The following TMEM163 variants were observed in gnomAD, a reference collection of about 807,000 sequenced individuals.
TMEM163 encodes transmembrane protein 163.
Under a neutral mutation model 29.3 loss-of-function variants are expected in TMEM163, and 17 were observed. That is an observed-to-expected ratio of 0.58 (90% CI 0.40 to 0.87). The LOEUF (loss-of-function observed/expected upper bound fraction) is 0.87, where lower values mean the gene tolerates loss of function less well. TMEM163 is among the 40% of genes least tolerant of loss of function. The probability of loss-of-function intolerance (pLI) is 0.00; values close to 1 mark genes in which losing one functional copy is unlikely to be tolerated. For synonymous variants in TMEM163, 157 were observed against 160.6 expected, an observed-to-expected ratio of 0.98 and a Z score of 0.17; for missense variants, 303 against 381.5, an observed-to-expected ratio of 0.79 and a Z score of 1.71.
At chr2:134,532,615 T>C (rs1337237070) in intron 4 of TMEM163, among the ~76,000 whole-genome samples, 1 of 152,246 alleles carries the variant, frequency 6.6e-6, no homozygotes, top group Non-Finnish European at 1.5e-5. Flanking sequence ...AGGTTAATTA[T>C]GCAAAGGGCA....
chr2:134,568,494 C>G (rs945792312), intron 2 of TMEM163, among the ~76,000 whole-genome samples: 1 of 149,294 alleles, frequency 6.7e-6, no homozygotes, highest in African/African-American at 2.5e-5. Flanking sequence ...ACACTGCACT[C>G]CAGCCTGGGT....
intron 2 of TMEM163, among the ~76,000 whole-genome samples, chr2:134,553,056 A>G (rs891635042): frequency 2.0e-5 from 3 of 152,152 alleles, no homozygotes; most frequent in Non-Finnish European, 4.4e-5. Flanking sequence ...AGACTTCTCA[A>G]TTTGACATAA....
At position 134,460,489 on chromosome 2, in the gene TMEM163, AT is replaced by A. The variant is rs1309481614; in HGVS notation, c.668-2317del. Among the ~76,000 whole-genome samples, 1 of 152,130 alleles carries A rather than the reference AT, an allele frequency of 6.6e-6. No individual in the cohort carries two copies. The highest frequency in any genetic ancestry group is 1.5e-5 in the Non-Finnish European group (1 of 68,020). Reference sequence around the variant, plus strand: ...CAGGAACTTTGTCTCTCCTTGCAGTATTCGAAGTCCCAGGACAGGGCCTGGC... The same window carrying A: ...CAGGAACTTTGTCTCTCCTTGCAGTATCGAAGTCCCAGGACAGGGCCTGGC... On this transcript the variant is annotated intron_variant, in intron 6 of 7. Transcript: ENST00000281924. This position sits in a 1 kb window ranked among gnomAD's most constrained non-coding sequence, Gnocchi z 4.3.
chr2:134,717,058 T>C lies in TMEM163; in HGVS notation c.202+1676A>G, dbSNP rs370908325. Among the ~76,000 whole-genome samples the C allele has an allele frequency of 4.6e-5, 7 of 152,304 alleles. 1 individual carries two copies. The South Asian group carries it at 1.4e-3, about 32-fold the overall frequency. On this transcript the variant is annotated intron_variant, in intron 1 of 7. Transcript: ENST00000281924. ...GACCAGAGAAAAATAACCTTAAGAA[T>C]GAATTCAGAAGGGCTTTTTACACTT...
At chr2:134,658,398 C>A (rs1390500426) in intron 2 of TMEM163, among the ~76,000 whole-genome samples, 1 of 152,100 alleles carries the variant, frequency 6.6e-6, no homozygotes, top group East Asian at 1.9e-4. Context: ...ACCAGCACTA[C>A]GTAGAAAGGC....
Position 134,554,656 on chromosome 2 carries a change from C to A in TMEM163, c.323-2565G>T, listed in dbSNP as rs376751729. 2.0e-3 allele frequency among the ~76,000 whole-genome samples: 306 copies of A among 152,208 alleles called. 1 individual carries two copies. Among genetic ancestry groups the A allele is most frequent in the African/African-American group, 6.8e-3 (282 of 41,522 alleles). ...TGATTATATTGAGAAAGACAAGGAA[C>A]CTTGTCTCAGGAATCTGGACTCAAA... is the stretch of plus-strand genomic sequence containing the variant. On this transcript the variant is annotated intron_variant, in intron 2 of 7. Transcript: ENST00000281924.
chr2:134,644,091 A>T (rs748192311), intron 2 of TMEM163, among the ~76,000 whole-genome samples: 2 of 152,132 alleles, frequency 1.3e-5, no homozygotes, highest in African/African-American at 2.4e-5. Context: ...AAACTTCAAA[A>T]CACTGATGAA....
At chr2:134,689,999 C>T (rs998714411) in intron 2 of TMEM163, among the ~76,000 whole-genome samples, 1 of 151,618 alleles carries the variant, frequency 6.6e-6, no homozygotes, top group African/African-American at 2.4e-5. Flanking sequence ...GGTGTGATCT[C>T]GGCTCACTGC....
chr2:134,467,947 C>T (rs1315109841), intron 5 of TMEM163: 1 of 152,086 alleles, frequency 6.6e-6, no homozygotes, highest in African/African-American at 2.4e-5. Flanking sequence ...CCTCAAATGA[C>T]CAGTAAGGAC....
chr2:134,494,047 C>T (rs1274953725), intron 5 of TMEM163, among the ~76,000 whole-genome samples: 2 of 152,154 alleles, frequency 1.3e-5, no homozygotes, highest in African/African-American at 4.8e-5. Flanking sequence ...GAACTAGGCA[C>T]TGATGAAAAA....
chr2:134,562,317 ATT>A (rs2104778439), intron 2 of TMEM163, among the ~76,000 whole-genome samples: 1 of 152,374 alleles, frequency 6.6e-6, no homozygotes, highest in South Asian at 2.1e-4. Flanking sequence ...GCACAAGTGC[ATT>A]GTCAGTGCTC....
At chr2:134,643,922 TCAAG>T in intron 2 of TMEM163, among the ~76,000 whole-genome samples, 1 of 152,008 alleles carries the variant, frequency 6.6e-6, no homozygotes, top group East Asian at 1.9e-4. Flanking sequence ...AGTAAAACTA[TCAAG>T]TATGCAGGGT....
intron 2 of TMEM163, among the ~76,000 whole-genome samples, chr2:134,596,404 T>A (rs1193348758): frequency 2.6e-5 from 4 of 152,356 alleles, no homozygotes; most frequent in South Asian, 4.1e-4. Context: ...GTCAGGTTTG[T>A]CAAAGATCAG....
intron 2 of TMEM163, among the ~76,000 whole-genome samples, chr2:134,691,675 T>C (rs186237602): frequency 1.3e-5 from 2 of 152,180 alleles, no homozygotes; most frequent in Admixed American, 6.5e-5. Context: ...CCAATGCTCA[T>C]GCCCATCTCT....
intron 4 of TMEM163, among the ~76,000 whole-genome samples, chr2:134,518,853 C>T (rs746595384): frequency 6.6e-6 from 1 of 152,128 alleles, no homozygotes; most frequent in Non-Finnish European, 1.5e-5. Flanking sequence ...GGCCCCAGTC[C>T]CAGGCAGGGG....
chr2:134,663,286 C>T (rs887677834), intron 2 of TMEM163, among the ~76,000 whole-genome samples: 2 of 152,190 alleles, frequency 1.3e-5, no homozygotes, highest in African/African-American at 4.8e-5. Flanking sequence ...CTTACATCTT[C>T]TGTTTGTCCT....
intron 2 of TMEM163, among the ~76,000 whole-genome samples, chr2:134,643,427 A>G (rs1158664896): frequency 6.6e-6 from 1 of 152,122 alleles, no homozygotes; most frequent in Non-Finnish European, 1.5e-5. Flanking sequence ...AATAACTCCA[A>G]TTCCACACCA....
chr2:134,573,650 C>T (rs529991990), intron 2 of TMEM163, among the ~76,000 whole-genome samples: 2 of 152,052 alleles, frequency 1.3e-5, no homozygotes, highest in South Asian at 2.1e-4. Context: ...GATGTGATGC[C>T]GAGAGTTCTG....
At chr2:134,659,074 C>A (rs999123351) in intron 2 of TMEM163, among the ~76,000 whole-genome samples, 2 of 152,198 alleles carry the variant, frequency 1.3e-5, no homozygotes, top group African/African-American at 4.8e-5. Flanking sequence ...CATACCTAGA[C>A]TATGTGGTAT....
Sources: allele counts gnomAD v4.1 joint callset (sites outside exome capture counted in the v4.1 genomes callset), GRCh38; gene constraint gnomAD v4.1.1; non-coding constraint Gnocchi (gnomAD v3.1); transcripts MANE v1.5; gene names NCBI Gene and HGNC (gene_info 2026-07-23, HGNC 2026-07-21).